FAM53A: variants seen among roughly 807,000 people sequenced by gnomAD.
FAM53A encodes the protein protein FAM53A.
In FAM53A, 28 loss-of-function variants were observed where a neutral mutation model predicts 26.6. That is an observed-to-expected ratio of 1.05 (90% CI 0.78 to 1.45). The LOEUF (loss-of-function observed/expected upper bound fraction) is 1.45, where lower values mean the gene tolerates loss of function less well. Ranked by LOEUF, FAM53A falls within the 40% of genes most tolerant of loss-of-function variation. The pLI is 0.00. For missense variants in FAM53A, 650 were observed against 575.8 expected (o/e 1.13, Z -1.32); for synonymous variants, 290 against 253.1 (o/e 1.15, Z -1.38).
Position 1,651,210 on chromosome 4 carries a change from G to A in FAM53A, c.882+3768C>T, listed in dbSNP as rs144350323. On this transcript the variant is annotated intron_variant, in intron 4 of 4. Coordinates refer to ENST00000308132, the MANE Select transcript of FAM53A (RefSeq NM_001174070.3). ...ATTGCTCACCAGCCTGGGACAGAGC[G>A]AGACTCCATCTCGAAAAAAAAAAAA... Among the ~76,000 whole-genome samples the A allele has an allele frequency of 9.1e-3, 1,257 of 137,736 alleles. 14 individuals are homozygous for A. The highest frequency in any genetic ancestry group is 0.033 in the African/African-American group (1,203 of 36,740). The allele number at this position is 137,736 out of a possible 152,430, so 90.4% of individuals were successfully genotyped here. A position where few individuals can be genotyped will look rare whatever the true frequency, so the allele number is the denominator to read the frequency against.
intron 1 of FAM53A, among the ~76,000 whole-genome samples, chr4:1,624,197 A>C (rs1715179588): frequency 6.6e-6 from 1 of 152,256 alleles, no homozygotes; most frequent in South Asian, 2.1e-4. Context: ...CGACTGGCTC[A>C]GGTCCCTGGG....
chr4:1,614,761 C>A (rs901275038), downstream of FAM53A, among the ~76,000 whole-genome samples: 4 of 152,166 alleles, frequency 2.6e-5, no homozygotes, highest in African/African-American at 9.7e-5. Context: ...ATGTGTGGCC[C>A]TATTCACAGA....
At chr4:1,671,281 C>A in intron 1 of FAM53A, among the ~76,000 whole-genome samples, 1 of 149,712 alleles carries the variant, frequency 6.7e-6, no homozygotes, top group Non-Finnish European at 1.5e-5. Flanking sequence ...TCAGAGCCAC[C>A]AGCTCACAGC....
At chr4:1,622,100 T>C (rs1715064101) in intron 1 of FAM53A, among the ~76,000 whole-genome samples, 1 of 152,194 alleles carries the variant, frequency 6.6e-6, no homozygotes, top group Admixed American at 6.5e-5. Flanking sequence ...CAGATGCGGC[T>C]GCGCAATCTG....
the FAM53A span, among the ~76,000 whole-genome samples, chr4:1,585,276 C>CTCTCT: frequency 2.6e-5 from 2 of 75,964 alleles, no homozygotes; most frequent in Admixed American, 1.5e-4. Flanking sequence ...CTCTCTCTCT[C>CTCTCT]TTTTTTTTTT....
chr4:1,583,983 C>T, the FAM53A span, among the ~76,000 whole-genome samples: 1 of 152,240 alleles, frequency 6.6e-6, no homozygotes, highest in Non-Finnish European at 1.5e-5. Flanking sequence ...TTCAGGTTCT[C>T]TCTGAGAATC....
the FAM53A span, among the ~76,000 whole-genome samples, chr4:1,596,664 G>A: frequency 2.8e-3 from 419 of 152,324 alleles, 1 homozygote; most frequent in African/African-American, 9.6e-3. Context: ...GTGTCCGCCC[G>A]CCGCGGGCTG....
At chr4:1,574,959 G>A in the FAM53A span, among the ~76,000 whole-genome samples, 1 of 152,260 alleles carries the variant, frequency 6.6e-6, no homozygotes, top group Non-Finnish European at 1.5e-5. Flanking sequence ...GTGCCAGGTG[G>A]ATGAGTGACA....
chr4:1,623,486 C>T (rs1715143991), intron 1 of FAM53A, among the ~76,000 whole-genome samples: 3 of 152,212 alleles, frequency 2.0e-5, no homozygotes, highest in African/African-American at 4.8e-5. Flanking sequence ...GGATGGCCAC[C>T]GGCTGGGCAG....
At chr4:1,597,254 C>T in the FAM53A span, among the ~76,000 whole-genome samples, 2 of 152,074 alleles carry the variant, frequency 1.3e-5, no homozygotes, top group Non-Finnish European at 2.9e-5. Context: ...CCTCGAGGGT[C>T]CCCTCACTCC....
chr4:1,639,190 T>C (rs915795577), downstream of FAM53A, among the ~76,000 whole-genome samples: 1 of 152,060 alleles, frequency 6.6e-6, no homozygotes, highest in Non-Finnish European at 1.5e-5. Context: ...CAGTGGCCGG[T>C]GCCCTGGAGG....
intron 1 of FAM53A, among the ~76,000 whole-genome samples, chr4:1,680,343 AAAC>A (rs1414852838): frequency 3.3e-5 from 5 of 151,228 alleles, no homozygotes; most frequent in African/African-American, 1.2e-4. Flanking sequence ...AAAAAAAAAA[AAAC>A]ACACCACTAC....
chr4:1,596,421 G>A, the FAM53A span, among the ~76,000 whole-genome samples: 2 of 33,760 alleles, frequency 5.9e-5, no homozygotes, highest in African/African-American at 2.5e-4. Flanking sequence ...TTCCCCAAAG[G>A]TACCCTCTTG....
chr4:1,674,670 A>T (rs78302668), intron 1 of FAM53A, among the ~76,000 whole-genome samples: 1 of 1,724 alleles, frequency 5.8e-4, no homozygotes, highest in Non-Finnish European at 1.9e-3. Context: ...CTCTGTCTCA[A>T]AAAAAAAAAA....
intron 3 of FAM53A, 140 bp from the exon 4 acceptor site, chr4:1,655,863 T>C: frequency 9.4e-7 from 1 of 1,064,804 alleles, no homozygotes; most frequent in Non-Finnish European, 1.3e-6. Context: ...TTCTCCAAGA[T>C]GTCCGTGGCG....
At chr4:1,673,716 G>C (rs1431999114) in intron 1 of FAM53A, among the ~76,000 whole-genome samples, 1 of 152,190 alleles carries the variant, frequency 6.6e-6, no homozygotes, top group Non-Finnish European at 1.5e-5. Context: ...TGTGGTGACC[G>C]AGCGAGACTC....
intron 1 of FAM53A, among the ~76,000 whole-genome samples, chr4:1,631,397 C>T (rs1220497725): frequency 3.3e-5 from 5 of 152,238 alleles, no homozygotes; most frequent in Non-Finnish European, 4.4e-5. Context: ...CAGCCCAGGC[C>T]GTTCCCACAC....
At position 1,659,948 on chromosome 4, in the gene FAM53A, C is replaced by T. The variant is rs752452600; in HGVS notation, c.76-2480G>A. Among the ~76,000 whole-genome samples, 3 of 152,176 alleles carry T rather than the reference C, an allele frequency of 2.0e-5. No individual in the cohort carries two copies. Among genetic ancestry groups the T allele is most frequent in the Non-Finnish European group, 4.4e-5 (3 of 68,036 alleles). On this transcript the variant is annotated intron_variant, in intron 2 of 4. Coordinates refer to ENST00000308132, the MANE Select transcript of FAM53A (RefSeq NM_001174070.3). This position sits in a 1 kb window ranked among gnomAD's most constrained non-coding sequence, Gnocchi z 5.2. ...CATCCCGTCACCTTGAGGGTGAGGA[C>T]TTCAACATATGGGTTTCGGGGAATG...
chr4:1,591,895 C>T, the FAM53A span, among the ~76,000 whole-genome samples: 4 of 152,204 alleles, frequency 2.6e-5, no homozygotes, highest in African/African-American at 9.6e-5. Flanking sequence ...CCCTTTCTGG[C>T]TGCTGACACA....
Sources: allele counts gnomAD v4.1 joint callset (sites outside exome capture counted in the v4.1 genomes callset), GRCh38; gene constraint gnomAD v4.1.1; non-coding constraint Gnocchi (gnomAD v3.1); transcripts MANE v1.5; gene names NCBI Gene and HGNC (gene_info 2026-07-23, HGNC 2026-07-21).